ZEB2: variants seen among roughly 807,000 people sequenced by gnomAD.
The protein encoded by ZEB2 is zinc finger E-box binding homeobox 2.
A neutral mutation model predicts 99.9 loss-of-function variants in ZEB2; 6 were observed. That is an observed-to-expected ratio of 0.06 (90% CI 0.03 to 0.12). The LOEUF (loss-of-function observed/expected upper bound fraction) is 0.12, where lower values mean the gene tolerates loss of function less well. Ranked by LOEUF, ZEB2 falls within the 10% of genes least tolerant of loss-of-function variation. ZEB2 has a pLI of 1.00. For missense variants in ZEB2, 969 were observed against 1,502.8 expected (o/e 0.64, Z 5.87); for synonymous variants, 517 against 542.5 (o/e 0.95, Z 0.65).
chr2:144,470,249 A>G (rs1340861623), intron 2 of ZEB2, among the ~76,000 whole-genome samples: 1 of 152,226 alleles, frequency 6.6e-6, no homozygotes, highest in African/African-American at 2.4e-5. Context: ...AACACGCATG[A>G]ATCTTAAACA....
At position 144,398,955 on chromosome 2, in the gene ZEB2, T is replaced by G. The variant is rs1470715072; in HGVS notation, c.2232A>C (p.Ile744=). Residue 744 remains isoleucine (I), a synonymous_variant, in exon 8 of 10, where the codon ATA becomes ATC. Transcript: ENST00000627532. ...TCGTAACACTGTTGTGGAGTTCTGC[T>G]ATAGATGGTGATGTTATGGAGTCCA... The part of the protein sequence containing the change: ...KPMDSITSPS[I]AELHNSVTNC... 6.2e-7 allele frequency: 1 copy of G among 1,614,204 alleles called. No individual in the cohort carries two copies. The highest frequency in any genetic ancestry group is 1.1e-5 in the South Asian group (1 of 91,086).
rs529828321 is a variant in ZEB2 at position 144,404,931 on chromosome 2, T to C, written c.497A>G (p.Tyr166Cys). ...AATGGCTGTGTCACTGCGCTGAAGG[T>C]ACTCCTCGATGCTGACTGCATGACC... ...RDGHAVSIEE[Y>C]LQRSDTAIIY... The change falls in exon 5 of 10, where the codon TAC becomes TGC. Residue 166 changes from tyrosine to cysteine, a missense_variant. By Grantham distance (194) the Tyr-to-Cys change is radical (BLOSUM62 -2). Coordinates refer to ENST00000627532, the MANE Select transcript of ZEB2 (RefSeq NM_014795.4). The C allele has an allele frequency of 6.2e-7, 1 of 1,614,228 alleles. No individual in the cohort carries two copies. The highest frequency in any genetic ancestry group is 1.1e-5 in the South Asian group (1 of 91,082).
intron 2 of ZEB2, among the ~76,000 whole-genome samples, chr2:144,508,874 G>A (rs1011778879): frequency 9.2e-5 from 14 of 151,930 alleles, no homozygotes; most frequent in African/African-American, 2.7e-4. Flanking sequence ...TCTAGCTACC[G>A]TAGTCTAATA....
intron 2 of ZEB2, among the ~76,000 whole-genome samples, chr2:144,471,700 T>C (rs1469234028): frequency 6.6e-6 from 1 of 152,076 alleles, no homozygotes; most frequent in Non-Finnish European, 1.5e-5. Flanking sequence ...GGAGAGATCA[T>C]TTACACGAAT....
At chr2:144,497,566 C>T (rs992778064) in intron 2 of ZEB2, 8 of 158,082 alleles carry the variant, frequency 5.1e-5, no homozygotes, top group African/African-American at 1.7e-4. Context: ...TGAAAGAAGC[C>T]CTCAGTAGAA....
At chr2:144,442,961 G>A (rs928705386) in intron 2 of ZEB2, among the ~76,000 whole-genome samples, 5 of 152,138 alleles carry the variant, frequency 3.3e-5, no homozygotes, top group Non-Finnish European at 5.9e-5. Context: ...TTTTCAAAGA[G>A]TAAAATTTCA....
intron 2 of ZEB2, among the ~76,000 whole-genome samples, chr2:144,505,620 G>T (rs185979468): frequency 1.3e-5 from 2 of 152,296 alleles, no homozygotes; most frequent in South Asian, 2.1e-4. Context: ...GGCTGGGAGT[G>T]GGGGGTGTGG....
intron 2 of ZEB2, chr2:144,513,282 C>T (rs1237687516): frequency 7.7e-7 from 1 of 1,290,540 alleles, no homozygotes; most frequent in Admixed American, 2.3e-5. Context: ...CATTTCTGCT[C>T]TTCTGATTGT....
intron 2 of ZEB2, among the ~76,000 whole-genome samples, chr2:144,473,602 T>A (rs1420032147): frequency 6.6e-6 from 1 of 152,078 alleles, no homozygotes; most frequent in African/African-American, 2.4e-5. Flanking sequence ...CTGTCAGGTG[T>A]GCAGGAATCT....
chr2:144,387,078 CA>C lies in ZEB2; in HGVS notation c.*2372del, dbSNP rs1375492984. 6.7e-6 allele frequency: 1 copy of C among 149,370 alleles called. No individual in the cohort carries two copies. Among genetic ancestry groups the C allele is most frequent in the African/African-American group, 2.5e-5 (1 of 40,406 alleles). 9.3% of individuals were successfully genotyped at this position (149,370 alleles called of 1,614,324 possible). ...ATATATATATACACACACACACATA[CA>C]CACTTTCTATTGAGTTTCAAGTTGC... On this transcript the variant is annotated 3_prime_UTR_variant, in exon 10 of 10. Transcript: ENST00000627532.
intron 2 of ZEB2, chr2:144,445,150 G>C (rs1283409041): frequency 2.6e-5 from 4 of 152,022 alleles, no homozygotes; most frequent in Admixed American, 6.6e-5. Flanking sequence ...AAACAACAAT[G>C]GCAAGATGGA....
chr2:144,413,885 A>AACAT (rs1159883878), intron 4 of ZEB2, among the ~76,000 whole-genome samples: 2 of 152,234 alleles, frequency 1.3e-5, no homozygotes, highest in African/African-American at 4.8e-5. Flanking sequence ...GCTCCATGTT[A>AACAT]AGAGGAACAG....
intron 1 of ZEB2, chr2:144,518,304 G>C (rs1292223029): frequency 6.6e-6 from 1 of 152,148 alleles, no homozygotes; most frequent in African/African-American, 2.4e-5. Flanking sequence ...TAAAAATCGA[G>C]AGAGGCGCTG....
chr2:144,456,919 C>T (rs148501514), intron 2 of ZEB2, among the ~76,000 whole-genome samples: 102 of 152,176 alleles, frequency 6.7e-4, no homozygotes, highest in African/African-American at 2.2e-3. Flanking sequence ...CACCTGACCT[C>T]GAAGTTTCCC....
At chr2:144,481,185 C>T (rs760307602) in intron 2 of ZEB2, among the ~76,000 whole-genome samples, 11 of 152,038 alleles carry the variant, frequency 7.2e-5, no homozygotes, top group South Asian at 2.1e-4. Context: ...TTGCTTCAGG[C>T]GCTTATGAAA....
intron 2 of ZEB2, among the ~76,000 whole-genome samples, chr2:144,500,999 T>C (rs1704859968): frequency 6.6e-6 from 1 of 150,742 alleles, no homozygotes; most frequent in Admixed American, 6.6e-5. Context: ...ATTAAAGCTG[T>C]ACCTCATTGC....
intron 4 of ZEB2, among the ~76,000 whole-genome samples, chr2:144,408,934 A>AG (rs1703421775): frequency 7.1e-6 from 1 of 141,692 alleles, no homozygotes; most frequent in African/African-American, 2.8e-5. Flanking sequence ...AAAAGCATCA[A>AG]GGCAGTTTTT....
intron 2 of ZEB2, among the ~76,000 whole-genome samples, chr2:144,472,294 C>T (rs1446814996): frequency 1.3e-5 from 2 of 151,936 alleles, no homozygotes; most frequent in Non-Finnish European, 2.9e-5. Flanking sequence ...TTCATCTTTA[C>T]CTGGTTTGAT....
intron 6 of ZEB2, 89 bp downstream of exon 6, chr2:144,403,827 T>C: frequency 1.3e-6 from 2 of 1,546,660 alleles, no homozygotes; most frequent in South Asian, 2.3e-5. Flanking sequence ...CAAAATGCCA[T>C]GAAAAATTAA....
Sources: gnomAD v4.1 joint callset for allele counts (sites outside exome capture counted in the v4.1 genomes callset) on GRCh38, gnomAD v4.1.1 for gene constraint, MANE v1.5 for transcripts, NCBI Gene and HGNC (gene_info 2026-07-23, HGNC 2026-07-21) for gene names.